The following UNC5D variants were observed in gnomAD, a reference collection of about 807,000 sequenced individuals.
UNC5D encodes the protein unc-5 netrin receptor D.
In UNC5D, 39 loss-of-function variants were observed where a neutral mutation model predicts 105.4. The ratio of observed to expected loss-of-function variants is 0.37; its 90% CI spans 0.29 to 0.48. UNC5D has a LOEUF of 0.48. UNC5D is among the 20% of genes least tolerant of loss of function. The probability of loss-of-function intolerance (pLI) is 0.98; values close to 1 mark genes in which losing one functional copy is unlikely to be tolerated. For synonymous variants in UNC5D, 452 were observed against 450.4 expected (o/e 1.00, Z -0.04); for missense variants, 991 against 1,202.4 (o/e 0.82, Z 2.60).
chr8:35,561,043 C>T (rs1178284944), intron 2 of UNC5D, among the ~76,000 whole-genome samples: 1 of 152,150 alleles, frequency 6.6e-6, no homozygotes, highest in Non-Finnish European at 1.5e-5. Context: ...TATGTGACCA[C>T]CCTTTCTAGT....
intron 1 of UNC5D, among the ~76,000 whole-genome samples, chr8:35,293,158 T>C (rs1807203509): frequency 6.6e-6 from 1 of 152,068 alleles, no homozygotes; most frequent in South Asian, 2.1e-4. Flanking sequence ...AGATGAGGGT[T>C]TGCTCTCAGA....
intron 1 of UNC5D, among the ~76,000 whole-genome samples, chr8:35,356,175 G>C (rs1563339696): frequency 6.6e-6 from 1 of 152,110 alleles, no homozygotes; most frequent in African/African-American, 2.4e-5. Context: ...GGGAGAGCAT[G>C]CTTTACCTCG....
intron 1 of UNC5D, among the ~76,000 whole-genome samples, chr8:35,300,592 G>T (rs1019504597): frequency 2.0e-5 from 3 of 150,030 alleles, no homozygotes; most frequent in African/African-American, 7.4e-5. Flanking sequence ...TATTATAAAT[G>T]ACTCCACCTG....
chr8:35,310,081 A>C (rs1412039101), intron 1 of UNC5D, among the ~76,000 whole-genome samples: 1 of 152,170 alleles, frequency 6.6e-6, no homozygotes, highest in Non-Finnish European at 1.5e-5. Context: ...TTTTATATTT[A>C]GACACATTAT....
At chr8:35,737,897 G>A (rs556643886) in intron 11 of UNC5D, among the ~76,000 whole-genome samples, 15 of 151,996 alleles carry the variant, frequency 9.9e-5, no homozygotes, top group South Asian at 2.1e-4. Flanking sequence ...ACCTGAGGTC[G>A]GGAGTTCAAG....
rs1802991095 is a variant in UNC5D at position 35,790,524 on chromosome 8, T to C, written c.2823T>C (p.Asp941=). The part of the protein sequence containing the change: ...KLSNISESQL[D]EADFNYSRQN... Reference sequence around the variant, plus strand: ...CAAACATTTCAGAATCCCAGCTTGATGAAGCCGACTTCAACTACAGCAGGC... The same window carrying C: ...CAAACATTTCAGAATCCCAGCTTGACGAAGCCGACTTCAACTACAGCAGGC... Residue 941 remains aspartate (D), a synonymous_variant, in exon 17 of 17, where the codon GAT becomes GAC. Transcript: ENST00000404895. 7 of 1,613,832 alleles carry C rather than the reference T, an allele frequency of 4.3e-6. No individual in the cohort carries two copies. Among genetic ancestry groups the C allele is most frequent in the Non-Finnish European group, 5.9e-6 (7 of 1,179,840 alleles).
intron 4 of UNC5D, among the ~76,000 whole-genome samples, chr8:35,677,800 T>C (rs908530247): frequency 1.3e-5 from 2 of 151,716 alleles, no homozygotes; most frequent in Admixed American, 1.3e-4. Flanking sequence ...GCTGATATGC[T>C]GGGGTCTGTA....
intron 1 of UNC5D, among the ~76,000 whole-genome samples, chr8:35,288,760 C>T (rs1806810206): frequency 6.6e-6 from 1 of 152,056 alleles, no homozygotes; most frequent in African/African-American, 2.4e-5. Context: ...CATGTAAAGG[C>T]AAGTTGTTAT....
At chr8:35,643,215 CA>C (rs1443562141) in intron 4 of UNC5D, among the ~76,000 whole-genome samples, 1 of 152,164 alleles carries the variant, frequency 6.6e-6, no homozygotes, top group Non-Finnish European at 1.5e-5. Flanking sequence ...TCCTGCTTTC[CA>C]ATTGTGACAG....
chr8:35,480,510 A>C (rs1283787254), intron 1 of UNC5D, among the ~76,000 whole-genome samples: 1 of 152,178 alleles, frequency 6.6e-6, no homozygotes, highest in Non-Finnish European at 1.5e-5. Context: ...TGGCAGAAAG[A>C]GAAGATGATA....
At chr8:35,375,909 T>C (rs1769015330) in intron 1 of UNC5D, among the ~76,000 whole-genome samples, 2 of 152,232 alleles carry the variant, frequency 1.3e-5, no homozygotes, top group Admixed American at 6.5e-5. Context: ...ATTTTCAATA[T>C]GAAAATTCCA....
chr8:35,356,745 T>G (rs140780868), intron 1 of UNC5D, among the ~76,000 whole-genome samples: 1 of 152,184 alleles, frequency 6.6e-6, no homozygotes, highest in East Asian at 1.9e-4. Context: ...TTTTGCACTT[T>G]CAGGCCATTA....
In UNC5D at chr8:35,260,276, C is replaced by T. The variant is rs960372973; in HGVS notation, c.103+24389C>T. On this transcript the variant is annotated intron_variant, in intron 1 of 16. Coordinates refer to ENST00000404895, the MANE Select transcript of UNC5D (RefSeq NM_080872.4). ...CACACCTGACATACAGTAGACACCT[C>T]TGGAGCGGTCCATCATTCCAAAGCA... is the stretch of plus-strand genomic sequence containing the variant. Among the ~76,000 whole-genome samples the T allele has an allele frequency of 4.6e-5, 7 of 152,284 alleles. No homozygotes were observed. The South Asian group carries it at 1.4e-3, about 32-fold the overall frequency.
intron 1 of UNC5D, among the ~76,000 whole-genome samples, chr8:35,239,445 G>A (rs1373069835): frequency 6.6e-6 from 1 of 151,242 alleles, no homozygotes; most frequent in Non-Finnish European, 1.5e-5. Context: ...GTGTTTATCA[G>A]GGAATTGGTT....
chr8:35,791,574 T>G lies in UNC5D; in HGVS notation c.*1011T>G, dbSNP rs1563767997. On this transcript the variant is annotated 3_prime_UTR_variant, in exon 17 of 17. Coordinates refer to ENST00000404895, the MANE Select transcript of UNC5D (RefSeq NM_080872.4). ...CATTTTTCAATCCAGATTCTTGAAA[T>G]TGTCTAACATGTGGGTACTGTGTCA... is the stretch of plus-strand genomic sequence containing the variant. The G allele has an allele frequency of 6.6e-6, 1 of 152,204 alleles. No individual in the cohort carries two copies. Among genetic ancestry groups the G allele is most frequent in the Non-Finnish European group, 1.5e-5 (1 of 68,042 alleles). The allele number at this position is 152,204 out of a possible 1,614,324, so 9.4% of individuals were successfully genotyped here.
At chr8:35,327,400 G>A (rs575353868) in intron 1 of UNC5D, among the ~76,000 whole-genome samples, 7 of 152,124 alleles carry the variant, frequency 4.6e-5, no homozygotes, top group East Asian at 1.9e-4. Flanking sequence ...CCGATGACCC[G>A]TGCATACCAC....
intron 4 of UNC5D, among the ~76,000 whole-genome samples, chr8:35,621,930 C>T (rs1349533735): frequency 6.6e-6 from 1 of 152,188 alleles, no homozygotes; most frequent in Non-Finnish European, 1.5e-5. Flanking sequence ...GTTCTAGACT[C>T]CCTCCTCCAC....
At chr8:35,251,009 G>A (rs1381163160) in intron 1 of UNC5D, among the ~76,000 whole-genome samples, 1 of 152,170 alleles carries the variant, frequency 6.6e-6, no homozygotes. Context: ...CATAGAAACT[G>A]TCCTTTCTTG....
intron 1 of UNC5D, among the ~76,000 whole-genome samples, chr8:35,470,042 C>A (rs1809590900): frequency 6.6e-6 from 1 of 152,134 alleles, no homozygotes; most frequent in Admixed American, 6.6e-5. Flanking sequence ...TCAATACATA[C>A]TTTTTAATTT....
Sources: gnomAD v4.1 joint callset for allele counts (sites outside exome capture counted in the v4.1 genomes callset) on GRCh38, gnomAD v4.1.1 for gene constraint, MANE v1.5 for transcripts, NCBI Gene and HGNC (gene_info 2026-07-23, HGNC 2026-07-21) for gene names.